RIF1: variants seen among roughly 807,000 people sequenced by gnomAD.
The protein encoded by RIF1 is replication timing regulatory factor 1.
RIF1 carries 45 observed loss-of-function variants against 247.1 expected under a neutral mutation model. That is an observed-to-expected ratio of 0.18 (90% confidence interval 0.14 to 0.23). RIF1 has a LOEUF of 0.23. Ranked by LOEUF, RIF1 falls within the 10% of genes least tolerant of loss-of-function variation. The probability of loss-of-function intolerance (pLI) is 1.00; values close to 1 mark genes in which losing one functional copy is unlikely to be tolerated. For synonymous variants in RIF1, 1,087 were observed against 978.8 expected (o/e 1.11, Z -2.06); for missense variants, 2,967 against 2,862.5 (o/e 1.04, Z -0.83).
chr2:151,525,079 C>T, the RIF1 span: 2 of 993,338 alleles, frequency 2.0e-6, no homozygotes, highest in African/African-American at 3.2e-5. Flanking sequence ...ATTAGAGTGA[C>T]CACACACTGG....
At chr2:151,520,006 T>C in the RIF1 span, 3 of 313,082 alleles carry the variant, frequency 9.6e-6, no homozygotes, top group Non-Finnish European at 1.7e-5. Context: ...TATTCCAAGG[T>C]ATAAAAAGTA....
downstream of RIF1, among the ~76,000 whole-genome samples, chr2:151,510,404 A>G (rs2073216828): frequency 6.6e-6 from 1 of 152,224 alleles, no homozygotes. Context: ...GGCTTTTAAT[A>G]TCTAACTTAA....
intron 21 of RIF1, among the ~76,000 whole-genome samples, chr2:151,454,253 ATT>A (rs1248715539): frequency 6.6e-6 from 1 of 152,138 alleles, no homozygotes; most frequent in Admixed American, 6.5e-5. Context: ...GAATGGGTAA[ATT>A]TTTTGGGCAA....
chr2:151,525,999 C>G, the RIF1 span: 1 of 1,614,008 alleles, frequency 6.2e-7, no homozygotes, highest in Non-Finnish European at 8.5e-7. Flanking sequence ...TGAACAGTGT[C>G]CCGGGTCTCT....
intron 34 of RIF1, among the ~76,000 whole-genome samples, chr2:151,471,156 C>T (rs1191889898): frequency 6.6e-6 from 1 of 152,076 alleles, no homozygotes; most frequent in African/African-American, 2.4e-5. Context: ...TGGGGTCGTA[C>T]AACTTGTGAT....
intron 6 of RIF1, among the ~76,000 whole-genome samples, chr2:151,419,611 A>G (rs1245951847): frequency 2.6e-5 from 4 of 152,294 alleles, no homozygotes; most frequent in Admixed American, 6.5e-5. Context: ...GGTGTGAGCC[A>G]CTGCACCCGG....
chr2:151,476,912 A>G lies in RIF1; in HGVS notation c.*1841A>G, dbSNP rs1208784700. On this transcript the variant is annotated 3_prime_UTR_variant, in exon 36 of 36. Coordinates refer to ENST00000444746, the MANE Select transcript of RIF1 (RefSeq NM_018151.5). ...TTCAGAATTAAAATCAGTTCGTTTC[A>G]TGACTCTGTGCCTTAACGTTTGTGT... is the stretch of plus-strand genomic sequence containing the variant. 1 of 152,180 alleles carries G rather than the reference A, an allele frequency of 6.6e-6. No homozygotes were observed. The highest frequency in any genetic ancestry group is 1.5e-5 in the Non-Finnish European group (1 of 68,026). The allele number at this position is 152,180 out of a possible 1,614,324, so 9.4% of individuals were successfully genotyped here.
Position 151,440,221 on chromosome 2 carries a change from CTT to C in RIF1, c.1647+99_1647+100del, listed in dbSNP as rs369738811. The C allele has an allele frequency of 3.3e-3, 2,354 of 717,238 alleles. 43 individuals are homozygous for C. In the African/African-American group the frequency reaches 0.037, roughly 11 times the overall value. The allele number at this position is 717,238 out of a possible 1,614,324, so 44.4% of individuals were successfully genotyped here. A position where few individuals can be genotyped will look rare whatever the true frequency, so the allele number is the denominator to read the frequency against. On this transcript the variant is annotated intron_variant, in intron 15 of 35. Transcript: ENST00000444746. Reference sequence around the variant, plus strand: ...TTTGCACAAATCTAGTTTGGGAAGACTTTTTTATATCAAGCATTCATCAGCAG... The same window carrying C: ...TTTGCACAAATCTAGTTTGGGAAGACTTTTATATCAAGCATTCATCAGCAG...
intron 20 of RIF1, among the ~76,000 whole-genome samples, chr2:151,451,391 T>G (rs550395631): frequency 5.9e-5 from 9 of 152,326 alleles, no homozygotes; most frequent in African/African-American, 2.2e-4. Context: ...GTGGGTACAC[T>G]GTGTTCTCAC....
rs1235079212 is a variant in RIF1 at position 151,479,324 on chromosome 2, G to A, written c.*4253G>A. ...TATGGACGATTTATTTTTTAAGTAG[G>A]CAGACTAAGAATTTCAAGTTATAAA... On this transcript the variant is annotated 3_prime_UTR_variant, in exon 36 of 36. Transcript: ENST00000444746. The A allele has an allele frequency of 1.3e-5, 2 of 152,104 alleles. No individual in the cohort carries two copies. Among genetic ancestry groups the A allele is most frequent in the African/African-American group, 4.8e-5 (2 of 41,410 alleles). The allele number at this position is 152,104 out of a possible 1,614,324, so 9.4% of individuals were successfully genotyped here. A position where few individuals can be genotyped will look rare whatever the true frequency, so the allele number is the denominator to read the frequency against.
chr2:151,474,306 A>G (rs1038229326), intron 35 of RIF1, among the ~76,000 whole-genome samples: 3 of 152,236 alleles, frequency 2.0e-5, no homozygotes, highest in Non-Finnish European at 4.4e-5. Flanking sequence ...TCTTCTAGTT[A>G]TATTAATAAA....
In RIF1 at chr2:151,465,544, A is replaced by G. The variant is rs576252708; in HGVS notation, c.6024A>G (p.Leu2008=). ...ELDGGNDVSD[L]HSSEETNTKM... ...ATGGAGGAAATGATGTATCTGATCT[A>G]CACTCATCTGAAGAAACGAATACCA... The change falls in exon 30 of 36, where the codon CTA becomes CTG. Residue 2008 remains leucine, a synonymous_variant. Transcript: ENST00000444746. 53 of 1,613,998 alleles carry G rather than the reference A, an allele frequency of 3.3e-5. No individual in the cohort carries two copies. In the South Asian group the frequency reaches 5.4e-4, roughly 16 times the overall value.
At chr2:151,426,909 A>G (rs1689199675) in intron 8 of RIF1, among the ~76,000 whole-genome samples, 1 of 151,996 alleles carries the variant, frequency 6.6e-6, no homozygotes, top group South Asian at 2.1e-4. Context: ...GGCCTCCCAA[A>G]GTGCTGGGAT....
At chr2:151,459,124 C>T (rs1695709421) in intron 25 of RIF1, among the ~76,000 whole-genome samples, 2 of 152,102 alleles carry the variant, frequency 1.3e-5, no homozygotes, top group South Asian at 4.1e-4. Flanking sequence ...TTGTTTTGAA[C>T]TCGGGTACCT....
At chr2:151,511,669 C>T (rs1208128818), downstream of RIF1, among the ~76,000 whole-genome samples, 1 of 152,170 alleles carries the variant, frequency 6.6e-6, no homozygotes, top group Admixed American at 6.5e-5. Context: ...AGACTCCTGA[C>T]CATCACTGAC....
At chr2:151,527,330 G>T in the RIF1 span, 1 of 697,560 alleles carries the variant, frequency 1.4e-6, no homozygotes, top group Non-Finnish European at 2.4e-6. Context: ...TTCTGAGCTC[G>T]CCTATCGCTC....
At position 151,497,039 on chromosome 2, in the gene RIF1, C is replaced by T. The variant is rs1276441858; in HGVS notation, c.*513+1713C>T. ...ATGTTTTCTTTGTATAACACCTGTG[C>T]GATAAGAAAGCAACCAGAAAAACAA... On this transcript the variant is annotated intron_variant and NMD_transcript_variant, in intron 10 of 13. Coordinates refer to the RIF1 transcript ENST00000454583. The T allele has an allele frequency of 1.4e-5, 22 of 1,562,634 alleles. No individual in the cohort carries two copies. The highest frequency in any genetic ancestry group is 2.4e-5 in the South Asian group (2 of 84,792).
At position 151,489,879 on chromosome 2, in the gene RIF1, T is replaced by TA. The variant is rs1013234237; in HGVS notation, c.*416-5342dup. On this transcript the variant is annotated intron_variant and NMD_transcript_variant, in intron 9 of 13. Coordinates refer to the RIF1 transcript ENST00000454583. ...CATTATATAAAATAGAAGGTTTGGT[T>TA]AAAAAAAACCGTAATACCTAATACT... 3.9e-4 allele frequency: 372 copies of TA among 943,854 alleles called. 2 individuals carry two copies. The highest frequency in any genetic ancestry group is 5.5e-4 in the African/African-American group (33 of 60,524). 58.5% of individuals were successfully genotyped at this position (943,854 alleles called of 1,614,324 possible).
chr2:151,410,751 A>T (rs922392064), intron 2 of RIF1, among the ~76,000 whole-genome samples: 2 of 152,240 alleles, frequency 1.3e-5, no homozygotes, highest in East Asian at 1.9e-4. Context: ...ACGAGGGAGC[A>T]TGCACGTGTG....
Sources: allele counts gnomAD v4.1 joint callset (sites outside exome capture counted in the v4.1 genomes callset), GRCh38; gene constraint gnomAD v4.1.1; transcripts MANE v1.5; gene names NCBI Gene and HGNC (gene_info 2026-07-23, HGNC 2026-07-21).